RNF17: variants seen among roughly 807,000 people sequenced by gnomAD.
RNF17 encodes ring finger protein 17, also known as spermatogenesis associated 23.
Under a neutral mutation model 200.5 loss-of-function variants are expected in RNF17, and 31 were observed. The observed-to-expected ratio is 0.15, with a 90% CI of 0.12 to 0.21. The LOEUF (loss-of-function observed/expected upper bound fraction) is 0.21. Ranked by LOEUF, RNF17 falls within the 10% of genes least tolerant of loss-of-function variation. The pLI, the probability that RNF17 is intolerant of heterozygous loss-of-function variation, is 1.00. For missense variants in RNF17, 1,628 were observed against 1,905.1 expected (o/e 0.85, Z 2.71); for synonymous variants, 606 against 637.8 (o/e 0.95, Z 0.75).
intron 6 of RNF17, among the ~76,000 whole-genome samples, chr13:24,787,688 A>T (rs1340404478): frequency 6.6e-6 from 1 of 152,112 alleles, no homozygotes; most frequent in Non-Finnish European, 1.5e-5. Context: ...GGTCTATTGT[A>T]TGTCTCTACT....
the RNF17 span, chr13:24,751,631 T>C: frequency 6.6e-6 from 1 of 152,222 alleles, no homozygotes; most frequent in Non-Finnish European, 1.5e-5. Context: ...GTCTTCATCA[T>C]CTAGTTTACG....
rs1885100695 is a variant in RNF17, at chr13:24,800,376, A to C, written c.1600A>C (p.Thr534Pro). ...TTGAATTTCTCCTAGAGTTGTTGAT[A>C]CCCATGTGAGACCAGAACACTCTGC... Reference protein sequence around the residue: ...EVLIVTGVVDTHVRPEHSAKQ... With the variant: ...EVLIVTGVVDPHVRPEHSAKQ... Residue 534 changes from threonine (T) to proline (P), a missense_variant, in exon 13 of 36, where the codon ACC (threonine) becomes CCC (proline). By Grantham distance (38) the Thr-to-Pro change is conservative. Around this residue, in one of 5 missense-constraint regions of RNF17, gnomAD observed 289 missense variants for 384.9 expected, o/e 0.75. Coordinates refer to ENST00000255324, the MANE Select transcript of RNF17 (RefSeq NM_031277.3). The C allele has an allele frequency of 6.3e-7, 1 of 1,587,508 alleles. No homozygotes were observed. The highest frequency in any genetic ancestry group is 1.7e-5 in the Admixed American group (1 of 58,136).
intron 5 of RNF17, among the ~76,000 whole-genome samples, chr13:24,780,640 G>A (rs1882223957): frequency 6.6e-6 from 1 of 152,172 alleles, no homozygotes; most frequent in East Asian, 1.9e-4. Flanking sequence ...CCAGCACTTT[G>A]GGAGGCCAGG....
rs779761959 is a variant in RNF17, at chr13:24,843,745, T to A, written c.2605T>A (p.Tyr869Asn). 3.2e-6 allele frequency: 5 copies of A among 1,567,340 alleles called. No individual in the cohort carries two copies. The highest frequency in any genetic ancestry group is 3.5e-6 in the Non-Finnish European group (4 of 1,141,986). Residue 869 changes from tyrosine (Y) to asparagine (N), a missense_variant and splice_region_variant, in exon 20 of 36, where the codon TAC becomes AAC. Transcript: ENST00000255324. Reference protein sequence around the residue: ...KEGLASYEIGYILKDNSQKHI... With the variant: ...KEGLASYEIGNILKDNSQKHI... ...TCATTAACTTTTGTTGTTTTTCAGA[T>A]ACATCCTCAAAGATAATTCTCAAAA...
chr13:24,814,609 A>G (rs1887164597), intron 15 of RNF17, among the ~76,000 whole-genome samples: 2 of 152,202 alleles, frequency 1.3e-5, no homozygotes, highest in East Asian at 1.9e-4. Flanking sequence ...TTCCAGCACT[A>G]TTTGTTGAAA....
chr13:24,824,232 C>A (rs1888395145), intron 15 of RNF17: 1 of 713,126 alleles, frequency 1.4e-6, no homozygotes, highest in African/African-American at 1.8e-5. Flanking sequence ...GACACTTTCT[C>A]ATTTTTTCAA....
intron 18 of RNF17, among the ~76,000 whole-genome samples, chr13:24,835,906 C>T (rs944265343): frequency 1.3e-5 from 2 of 151,932 alleles, no homozygotes; most frequent in Non-Finnish European, 2.9e-5. Context: ...GCAAGGAAAT[C>T]CAAAAAACAA....
chr13:24,768,075 A>C (rs1880013547), intron 2 of RNF17, among the ~76,000 whole-genome samples: 2 of 152,090 alleles, frequency 1.3e-5, no homozygotes, highest in Non-Finnish European at 2.9e-5. Flanking sequence ...TACATTTGGG[A>C]GATGCCATTC....
At chr13:24,881,002 T>C (rs1251298632), downstream of RNF17, among the ~76,000 whole-genome samples, 2 of 152,214 alleles carry the variant, frequency 1.3e-5, no homozygotes, top group East Asian at 1.9e-4. Flanking sequence ...TTGTCCATTT[T>C]TCTATTGAGT....
intron 11 of RNF17, among the ~76,000 whole-genome samples, chr13:24,798,136 A>T (rs1884824639): frequency 6.6e-6 from 1 of 152,146 alleles, no homozygotes; most frequent in South Asian, 2.1e-4. Context: ...CATTTAGCTC[A>T]CACTTGTTTC....
At chr13:24,786,803 T>G (rs1397804088) in intron 6 of RNF17, among the ~76,000 whole-genome samples, 1 of 152,208 alleles carries the variant, frequency 6.6e-6, no homozygotes, top group South Asian at 2.1e-4. Flanking sequence ...CAGGATTCTC[T>G]GTGTCCTTCA....
intron 22 of RNF17, among the ~76,000 whole-genome samples, chr13:24,845,665 A>G (rs1376654104): frequency 6.6e-6 from 1 of 152,220 alleles, no homozygotes; most frequent in Non-Finnish European, 1.5e-5. Flanking sequence ...GGAATCGGCA[A>G]CGGTATTTCA....
chr13:24,869,525 T>C (rs1894017023), intron 31 of RNF17, among the ~76,000 whole-genome samples: 1 of 152,182 alleles, frequency 6.6e-6, no homozygotes, highest in Non-Finnish European at 1.5e-5. Context: ...GCTCAGGCTC[T>C]CAGGAGGTTG....
intron 15 of RNF17, among the ~76,000 whole-genome samples, chr13:24,820,265 G>T (rs933973037): frequency 4.0e-5 from 6 of 151,790 alleles, no homozygotes; most frequent in Non-Finnish European, 8.8e-5. Context: ...GGGATTTCAG[G>T]TGTGCACCAC....
At chr13:24,873,210 G>A (rs779903644) in intron 32 of RNF17, among the ~76,000 whole-genome samples, 7 of 152,168 alleles carry the variant, frequency 4.6e-5, no homozygotes, top group Non-Finnish European at 7.3e-5. Flanking sequence ...AGTTGGGGCA[G>A]TGGCAATATG....
intron 2 of RNF17, among the ~76,000 whole-genome samples, chr13:24,768,400 T>C (rs1280422584): frequency 2.0e-5 from 3 of 151,020 alleles, no homozygotes; most frequent in Non-Finnish European, 4.4e-5. Flanking sequence ...TTTTCCTGCC[T>C]CAGCCTCCCA....
At chr13:24,763,348 G>A (rs779407152), upstream of RNF17, among the ~76,000 whole-genome samples, 5 of 147,350 alleles carry the variant, frequency 3.4e-5, no homozygotes, top group Admixed American at 6.8e-5. Flanking sequence ...AACTACAGGC[G>A]CCCACCGCCA....
At chr13:24,762,369 T>TAAAAAAAA (rs370600110), upstream of RNF17, among the ~76,000 whole-genome samples, 1 of 113,898 alleles carries the variant, frequency 8.8e-6, no homozygotes, top group South Asian at 3.1e-4. Context: ...ACTCCATTTC[T>TAAAAAAAA]AAAAAAAAAA....
chr13:24,777,264 G>A (rs1881699767), intron 3 of RNF17, among the ~76,000 whole-genome samples: 1 of 152,196 alleles, frequency 6.6e-6, no homozygotes, highest in Non-Finnish European at 1.5e-5. Context: ...ATTATTTGGT[G>A]TAGTATTTTT....
Sources: allele counts gnomAD v4.1 joint callset (sites outside exome capture counted in the v4.1 genomes callset), GRCh38; gene constraint gnomAD v4.1.1; regional missense constraint gnomAD v4.1.1; transcripts MANE v1.5; gene names NCBI Gene and HGNC (gene_info 2026-07-23, HGNC 2026-07-21).